Variants in DPP6 observed in about 807,000 individuals in gnomAD.
DPP6 encodes the protein dipeptidyl peptidase like 6.
A neutral mutation model predicts 122.6 loss-of-function variants in DPP6; 69 were observed. The observed-to-expected ratio is 0.56, with a 90% CI of 0.46 to 0.69. DPP6 has a LOEUF of 0.69. Ranked by LOEUF, DPP6 falls within the 30% of genes least tolerant of loss-of-function variation. The probability of loss-of-function intolerance (pLI) is 0.00; values close to 1 mark genes in which losing one functional copy is unlikely to be tolerated. For synonymous variants in DPP6, 418 were observed against 433.1 expected (o/e 0.97, Z 0.43); for missense variants, 928 against 1,116.9 (o/e 0.83, Z 2.41).
intron 10 of DPP6, among the ~76,000 whole-genome samples, chr7:154,775,017 G>A (rs950846770): frequency 1.3e-5 from 2 of 152,202 alleles, no homozygotes; most frequent in South Asian, 2.1e-4. Context: ...CCTGTGTGCC[G>A]TAGAGCACTA....
intron 21 of DPP6, chr7:154,883,933 C>G (rs1264826451): frequency 6.9e-6 from 1 of 145,018 alleles, no homozygotes; most frequent in Non-Finnish European, 1.5e-5. Flanking sequence ...CACACATACA[C>G]ACGAGTACAT....
chr7:154,164,372 G>T (rs763042716), intron 1 of DPP6, among the ~76,000 whole-genome samples: 1 of 151,942 alleles, frequency 6.6e-6, no homozygotes. Context: ...ATGACTGTGC[G>T]ATTATCTCCA....
chr7:154,665,980 C>A (rs931481245), intron 6 of DPP6, among the ~76,000 whole-genome samples: 1 of 151,882 alleles, frequency 6.6e-6, no homozygotes, highest in Non-Finnish European at 1.5e-5. Flanking sequence ...AATTTACTCA[C>A]GGAACTACAG....
chr7:154,291,416 C>A (rs775327541), intron 1 of DPP6, among the ~76,000 whole-genome samples: 66 of 152,202 alleles, frequency 4.3e-4, no homozygotes, highest in Non-Finnish European at 7.5e-4. Flanking sequence ...GGAACCAAGA[C>A]CACTCCAAGG....
At chr7:154,000,334 T>G (rs1405061908) in intron 1 of DPP6, among the ~76,000 whole-genome samples, 1 of 152,188 alleles carries the variant, frequency 6.6e-6, no homozygotes, top group Non-Finnish European at 1.5e-5. Context: ...GCTAGCTCAT[T>G]GCGGATTGGG....
intron 4 of DPP6, among the ~76,000 whole-genome samples, chr7:154,562,974 A>G (rs1830521372): frequency 6.6e-6 from 1 of 152,206 alleles, no homozygotes; most frequent in Non-Finnish European, 1.5e-5. Context: ...TTACACTCTA[A>G]TGAAGAAAGC....
chr7:154,855,528 T>C (rs1212087209), intron 17 of DPP6, among the ~76,000 whole-genome samples: 1 of 152,148 alleles, frequency 6.6e-6, no homozygotes, highest in Non-Finnish European at 1.5e-5. Context: ...ATCTGGGCCA[T>C]TTGAGCAATG....
chr7:154,080,165 C>T (rs1803886141), intron 1 of DPP6, among the ~76,000 whole-genome samples: 1 of 151,998 alleles, frequency 6.6e-6, no homozygotes, highest in Admixed American at 6.6e-5. Context: ...GTCAAGAGGA[C>T]CCACAGTGGG....
At chr7:154,771,350 G>A (rs894286764) in intron 9 of DPP6, among the ~76,000 whole-genome samples, 2 of 152,222 alleles carry the variant, frequency 1.3e-5, no homozygotes, top group African/African-American at 4.8e-5. Flanking sequence ...GGCTGATTTG[G>A]TTCCTGGTGA....
At chr7:154,078,869 TGATTGTA>T (rs990290822) in intron 1 of DPP6, among the ~76,000 whole-genome samples, 1 of 148,922 alleles carries the variant, frequency 6.7e-6, no homozygotes, top group Non-Finnish European at 1.5e-5. Context: ...CCTTCCAAAA[TGATTGTA>T]GATTTTTTAA....
At chr7:154,236,817 A>G (rs1281403404) in intron 1 of DPP6, among the ~76,000 whole-genome samples, 2 of 152,174 alleles carry the variant, frequency 1.3e-5, no homozygotes, top group Non-Finnish European at 2.9e-5. Context: ...CTGCACTTAC[A>G]CAAAAGCTCC....
At chr7:154,550,860 C>G (rs550847789) in intron 4 of DPP6, among the ~76,000 whole-genome samples, 1 of 151,540 alleles carries the variant, frequency 6.6e-6, no homozygotes, top group African/African-American at 2.4e-5. Context: ...AAGCGATTCA[C>G]TGGCCTCAGC....
chr7:154,328,859 G>A (rs1808671169), intron 1 of DPP6, among the ~76,000 whole-genome samples: 1 of 152,144 alleles, frequency 6.6e-6, no homozygotes, highest in Admixed American at 6.6e-5. Context: ...CAAAACCTTG[G>A]GAAGGGAACT....
chr7:153,808,258 TGTGTGCCTGTGTGTGCGC>T, the DPP6 span, among the ~76,000 whole-genome samples: 1 of 150,916 alleles, frequency 6.6e-6, no homozygotes, highest in Non-Finnish European at 1.5e-5. Context: ...CGTGCGTGCG[TGTGTGCCTGTGTGTGCGC>T]ACGTGTGTGC....
In DPP6 at chr7:154,755,421, C is replaced by G. The variant is rs542419213; in HGVS notation, c.884-13996C>G. ...GCAGAAATGTCTCTGTCAGTATTTCCCATGGGTTATCTCTCACTTACTAGC... is the reference window on the plus strand; with the variant it reads ...GCAGAAATGTCTCTGTCAGTATTTCGCATGGGTTATCTCTCACTTACTAGC... On this transcript the variant is annotated intron_variant, in intron 8 of 25. Coordinates refer to ENST00000377770, the MANE Select transcript of DPP6 (RefSeq NM_130797.4). The surrounding 1 kb of genome is among the most constrained non-coding windows in gnomAD (Gnocchi z 4.7). Among the ~76,000 whole-genome samples, 18 of 152,262 alleles carry G rather than the reference C, an allele frequency of 1.2e-4. No individual in the cohort carries two copies. Among genetic ancestry groups the G allele is most frequent in the African/African-American group, 4.3e-4 (18 of 41,550 alleles).
intron 16 of DPP6, among the ~76,000 whole-genome samples, 165 bp from the exon 17 acceptor site, chr7:154,853,615 G>A (rs559545919): frequency 1.6e-4 from 24 of 152,326 alleles, no homozygotes; most frequent in African/African-American, 4.3e-4. Context: ...CCCCCCTGCC[G>A]GCCTGGCCTC....
chr7:154,883,367 C>T (rs1158358513), intron 21 of DPP6, among the ~76,000 whole-genome samples: 4 of 149,194 alleles, frequency 2.7e-5, no homozygotes, highest in Non-Finnish European at 5.9e-5. Flanking sequence ...CATGCTCACA[C>T]ACACGATTAC....
chr7:153,998,789 G>A lies in DPP6; in HGVS notation c.51+111055G>A, dbSNP rs550077872. 2.0e-5 allele frequency among the ~76,000 whole-genome samples: 3 copies of A among 152,328 alleles called. No individual in the cohort carries two copies. The East Asian group carries it at 5.8e-4, about 29-fold the overall frequency. ...ATTGGCTACTCTGACTGTTAGCACT[G>A]TGAAGACATGAGTCTATGAAGAATG... On this transcript the variant is annotated intron_variant, in intron 1 of 25. Transcript: ENST00000404039.
chr7:154,139,794 A>G (rs1329036976), intron 1 of DPP6, among the ~76,000 whole-genome samples: 1 of 152,172 alleles, frequency 6.6e-6, no homozygotes, highest in Non-Finnish European at 1.5e-5. Context: ...TGCACTATTT[A>G]TGCTGGAGCA....
Sources: allele counts gnomAD v4.1 joint callset (sites outside exome capture counted in the v4.1 genomes callset), GRCh38; gene constraint gnomAD v4.1.1; non-coding constraint Gnocchi (gnomAD v3.1); transcripts MANE v1.5; gene names NCBI Gene and HGNC (gene_info 2026-07-23, HGNC 2026-07-21).